The following CNTNAP5 variants were observed in gnomAD, a reference collection of about 807,000 sequenced individuals.
The protein encoded by CNTNAP5 is contactin associated protein family member 5, also known as contactin-associated protein-like 5.
A neutral mutation model predicts 150.2 loss-of-function variants in CNTNAP5; 72 were observed. The ratio of observed to expected loss-of-function variants is 0.48; its 90% CI spans 0.40 to 0.58. The LOEUF is 0.58. Ranked by LOEUF, CNTNAP5 falls within the 20% of genes least tolerant of loss-of-function variation. CNTNAP5 has a pLI of 0.00. For synonymous variants in CNTNAP5, 672 were observed against 619.8 expected, an observed-to-expected ratio of 1.08 and a Z score of -1.25; for missense variants, 1,636 against 1,626.2, an observed-to-expected ratio of 1.01 and a Z score of -0.10.
At chr2:124,276,500 C>A (rs1048986542) in intron 3 of CNTNAP5, among the ~76,000 whole-genome samples, 13 of 152,214 alleles carry the variant, frequency 8.5e-5, no homozygotes, top group Admixed American at 2.0e-4. Flanking sequence ...TAGTAGATTT[C>A]AAAATATTAA....
At chr2:124,047,450 C>T (rs970815139) in intron 1 of CNTNAP5, among the ~76,000 whole-genome samples, 6 of 152,202 alleles carry the variant, frequency 3.9e-5, no homozygotes, top group Non-Finnish European at 5.9e-5. Context: ...AAGTTCTGTC[C>T]GACTTCACAT....
Position 124,763,823 on chromosome 2 carries a change from T to G in CNTNAP5, c.2362+24T>G, listed in dbSNP as rs746535317. ...CCGTGAGTACAAAATCGAAAGAAGCTTTCTCTCTGCATTACATGAGCACAA... is the reference window on the plus strand; with the variant it reads ...CCGTGAGTACAAAATCGAAAGAAGCGTTCTCTCTGCATTACATGAGCACAA... On this transcript the variant is annotated intron_variant, in intron 15 of 23. Coordinates refer to ENST00000682447, the MANE Select transcript of CNTNAP5 (RefSeq NM_001367498.1). 1.1e-5 allele frequency: 18 copies of G among 1,612,510 alleles called. No individual in the cohort carries two copies. The East Asian group carries it at 3.8e-4, about 34-fold the overall frequency.
chr2:124,812,872 G>C lies in CNTNAP5; in HGVS notation c.3217+14552G>C, dbSNP rs181875320. Among the ~76,000 whole-genome samples the C allele has an allele frequency of 1.2e-3, 175 of 152,152 alleles. 3 individuals are homozygous for C. Among genetic ancestry groups the C allele is most frequent in the African/African-American group, 4.0e-3 (165 of 41,546 alleles). ...GGTCTCCTGAGGGCTGTGCTGTGTC[G>C]TGATCTATGATCACTCATATTTCAC... is the stretch of plus-strand genomic sequence containing the variant. On this transcript the variant is annotated intron_variant, in intron 19 of 23. Transcript: ENST00000682447.
chr2:124,550,861 G>A (rs1367678865), intron 10 of CNTNAP5, among the ~76,000 whole-genome samples: 2 of 152,162 alleles, frequency 1.3e-5, no homozygotes, highest in African/African-American at 2.4e-5. Flanking sequence ...TAGGGGACTT[G>A]TTTCTAAAGT....
At chr2:124,675,810 T>C (rs555789858) in intron 13 of CNTNAP5, among the ~76,000 whole-genome samples, 1 of 152,300 alleles carries the variant, frequency 6.6e-6, no homozygotes, top group East Asian at 1.9e-4. Context: ...TATTTGAACA[T>C]ATTTATGACA....
chr2:124,388,016 T>A (rs1427578090), intron 3 of CNTNAP5, among the ~76,000 whole-genome samples: 1 of 152,118 alleles, frequency 6.6e-6, no homozygotes, highest in African/African-American at 2.4e-5. Flanking sequence ...CATTTCAAAC[T>A]AGCCACCTCT....
intron 3 of CNTNAP5, among the ~76,000 whole-genome samples, chr2:124,316,653 A>C (rs967625238): frequency 1.3e-5 from 2 of 151,680 alleles, no homozygotes; most frequent in African/African-American, 4.8e-5. Context: ...AAAATACAAA[A>C]AATTAGCCGG....
chr2:124,909,650 T>C (rs192813545), intron 22 of CNTNAP5, among the ~76,000 whole-genome samples: 6 of 151,232 alleles, frequency 4.0e-5, no homozygotes, highest in Non-Finnish European at 5.9e-5. Context: ...TCCCTTTCTT[T>C]CTTCTTTCTT....
intron 6 of CNTNAP5, among the ~76,000 whole-genome samples, chr2:124,451,695 G>A (rs139161584): frequency 1.3e-5 from 2 of 152,160 alleles, no homozygotes; most frequent in African/African-American, 4.8e-5. Context: ...GACCCAGGAG[G>A]CACCCCAAAT....
intron 12 of CNTNAP5, among the ~76,000 whole-genome samples, chr2:124,619,980 C>T (rs1677578536): frequency 6.7e-6 from 1 of 148,584 alleles, no homozygotes; most frequent in Admixed American, 6.7e-5. Flanking sequence ...GTAGTTCTGT[C>T]TCTGGACAAC....
chr2:124,793,058 A>G (rs1219785020), intron 18 of CNTNAP5, among the ~76,000 whole-genome samples: 1 of 152,182 alleles, frequency 6.6e-6, no homozygotes, highest in Non-Finnish European at 1.5e-5. Flanking sequence ...CCTAGAAGTG[A>G]GATTGTTGTG....
intron 14 of CNTNAP5, among the ~76,000 whole-genome samples, chr2:124,755,750 G>A (rs958366893): frequency 6.6e-6 from 1 of 152,062 alleles, no homozygotes; most frequent in Middle Eastern, 3.2e-3. Context: ...TGTCTTATAG[G>A]TATTTTGTGA....
chr2:124,372,227 C>T (rs1690545645), intron 3 of CNTNAP5, among the ~76,000 whole-genome samples: 1 of 152,010 alleles, frequency 6.6e-6, no homozygotes, highest in Non-Finnish European at 1.5e-5. Context: ...TGACTTATTC[C>T]AGCAGCCTAT....
At chr2:124,114,538 G>A (rs559063970) in intron 1 of CNTNAP5, among the ~76,000 whole-genome samples, 2 of 151,680 alleles carry the variant, frequency 1.3e-5, no homozygotes, top group African/African-American at 2.4e-5. Flanking sequence ...CACATTTTTT[G>A]TGTATATAAT....
At chr2:124,860,436 CTTCCTTCCTTCCTTCT>C (rs1573668279) in intron 19 of CNTNAP5, among the ~76,000 whole-genome samples, 17 of 130,502 alleles carry the variant, frequency 1.3e-4, no homozygotes, top group East Asian at 1.2e-3. Context: ...TCCTTCCTTC[CTTCCTTCCTTCCTTCT>C]TTCCTTCCTT....
rs959202453 is a variant in CNTNAP5 at position 124,265,690 on chromosome 2, A to T, written c.381+23297A>T. On this transcript the variant is annotated intron_variant, in intron 3 of 23. Coordinates refer to ENST00000682447, the MANE Select transcript of CNTNAP5 (RefSeq NM_001367498.1). ...ACTAATTCATGGGTAAAGGATTCTG[A>T]CATGAAATTGGAGGTGCACACTCTG... Among the ~76,000 whole-genome samples, 3 of 152,188 alleles carry T rather than the reference A, an allele frequency of 2.0e-5. No individual in the cohort carries two copies. The South Asian group carries it at 6.2e-4, about 32-fold the overall frequency.
chr2:124,181,830 G>T (rs960412510), intron 1 of CNTNAP5, among the ~76,000 whole-genome samples: 2 of 152,140 alleles, frequency 1.3e-5, no homozygotes, highest in Non-Finnish European at 2.9e-5. Flanking sequence ...GGTATCATTT[G>T]TACAATGATG....
chr2:124,096,157 G>T (rs778702780), intron 1 of CNTNAP5, among the ~76,000 whole-genome samples: 1 of 152,098 alleles, frequency 6.6e-6, no homozygotes, highest in African/African-American at 2.4e-5. Flanking sequence ...GCCTCATGTA[G>T]CTCCAAACAT....
At chr2:124,171,153 TA>T (rs1457356568) in intron 1 of CNTNAP5, among the ~76,000 whole-genome samples, 1 of 152,234 alleles carries the variant, frequency 6.6e-6, no homozygotes, top group Admixed American at 6.5e-5. Flanking sequence ...AGCAGCGATA[TA>T]AAATGTTGGC....
Sources: gnomAD v4.1 joint callset for allele counts (sites outside exome capture counted in the v4.1 genomes callset) on GRCh38, gnomAD v4.1.1 for gene constraint, MANE v1.5 for transcripts, NCBI Gene and HGNC (gene_info 2026-07-23, HGNC 2026-07-21) for gene names.